Variants in TMEM272 observed in about 807,000 individuals in gnomAD.
The protein encoded by TMEM272 is long intergenic non-protein coding RNA 282.
Under a neutral mutation model 3.7 loss-of-function variants are expected in TMEM272, and 8 were observed. The ratio of observed to expected loss-of-function variants is 2.17; its 90% CI spans 1.27 to 3.91. TMEM272 has a LOEUF of 3.91. TMEM272 is among the 30% of genes most tolerant of loss of function. The pLI, the probability that TMEM272 is intolerant of heterozygous loss-of-function variation, is 0.00. For missense variants in TMEM272, 166 were observed against 91.5 expected, an observed-to-expected ratio of 1.81 and a Z score of -3.32; for synonymous variants, 63 against 39.8, an observed-to-expected ratio of 1.58 and a Z score of -2.20.
At chr13:51,926,295 CT>C in the TMEM272 span, among the ~76,000 whole-genome samples, 1 of 152,150 alleles carries the variant, frequency 6.6e-6, no homozygotes, top group African/African-American at 2.4e-5. Context: ...CCGCAGTGAC[CT>C]CCTTGCTGTG....
the TMEM272 span, among the ~76,000 whole-genome samples, chr13:51,851,614 T>C: frequency 7.3e-6 from 1 of 137,442 alleles, no homozygotes; most frequent in East Asian, 2.3e-4. Context: ...AACCTCCACC[T>C]CCTGGGTTCA....
In TMEM272 at chr13:51,845,158, G is replaced by A. The variant is rs1274778826; in HGVS notation, c.-166C>T. On this transcript the variant is annotated 5_prime_UTR_variant, in exon 1 of 5. Transcript: ENST00000629372. ...CGCTTTCTTTCTCCCTTTCTCTCCT[G>A]CAGCACAACAGCAACTCGTGGCTTT... is the stretch of plus-strand genomic sequence containing the variant. 6.6e-6 allele frequency: 1 copy of A among 152,402 alleles called. No homozygotes were observed. Among genetic ancestry groups the A allele is most frequent in the Non-Finnish European group, 1.5e-5 (1 of 68,290 alleles). 9.4% of individuals were successfully genotyped at this position (152,402 alleles called of 1,614,324 possible). A position where few individuals can be genotyped will look rare whatever the true frequency, so the allele number is the denominator to read the frequency against.
At chr13:51,853,954 T>A in the TMEM272 span, among the ~76,000 whole-genome samples, 1 of 152,250 alleles carries the variant, frequency 6.6e-6, no homozygotes, top group South Asian at 2.1e-4. Flanking sequence ...TGAACATGCA[T>A]TACCTTGAAA....
the TMEM272 span, among the ~76,000 whole-genome samples, chr13:51,888,961 T>A: frequency 6.6e-6 from 1 of 152,142 alleles, no homozygotes; most frequent in Non-Finnish European, 1.5e-5. Context: ...AATTAATTCT[T>A]TTTAATGGCC....
the TMEM272 span, chr13:51,865,473 C>A: frequency 6.2e-7 from 1 of 1,614,204 alleles, no homozygotes; most frequent in Admixed American, 1.7e-5. Context: ...CTGGCGGCAT[C>A]CTCTCCCAGT....
the TMEM272 span, among the ~76,000 whole-genome samples, chr13:51,906,638 A>G: frequency 2.6e-5 from 4 of 152,188 alleles, no homozygotes; most frequent in Non-Finnish European, 4.4e-5. Context: ...TAAGAAAATA[A>G]TATGTCCATG....
At chr13:51,929,368 T>C in the TMEM272 span, among the ~76,000 whole-genome samples, 13 of 152,238 alleles carry the variant, frequency 8.5e-5, no homozygotes, top group African/African-American at 2.7e-4. Context: ...TATTGTAGCA[T>C]GGAGGTATCC....
chr13:51,899,694 C>T, the TMEM272 span, among the ~76,000 whole-genome samples: 3 of 152,134 alleles, frequency 2.0e-5, no homozygotes, highest in African/African-American at 7.2e-5. Flanking sequence ...ATAGCCGAAA[C>T]AATCTTACAA....
At chr13:51,866,525 G>T in the TMEM272 span, among the ~76,000 whole-genome samples, 21 of 152,192 alleles carry the variant, frequency 1.4e-4, no homozygotes, top group Non-Finnish European at 2.6e-4. Context: ...TGGAGGCCTG[G>T]AGAGGGCTGG....
chr13:51,909,725 C>A, the TMEM272 span: 1 of 1,547,266 alleles, frequency 6.5e-7, no homozygotes, highest in Non-Finnish European at 8.9e-7. Flanking sequence ...CACCATCTTT[C>A]AATTCACTGT....
chr13:51,860,655 A>AG, the TMEM272 span, among the ~76,000 whole-genome samples: 2 of 149,006 alleles, frequency 1.3e-5, no homozygotes, highest in Non-Finnish European at 1.5e-5. Context: ...AAAAAAAAAA[A>AG]GCATTAAAGG....
chr13:51,885,258 G>A, the TMEM272 span, among the ~76,000 whole-genome samples: 9,494 of 152,160 alleles, frequency 0.062, 328 homozygotes, highest in Middle Eastern at 0.12. Flanking sequence ...GTATTAATCC[G>A]TTCTCACAAT....
chr13:51,898,057 T>C, the TMEM272 span, among the ~76,000 whole-genome samples: 32 of 151,822 alleles, frequency 2.1e-4, no homozygotes, highest in East Asian at 6.0e-3. Flanking sequence ...ACCCCATCTC[T>C]ACTAAAAATA....
intron 3 of TMEM272, among the ~76,000 whole-genome samples, chr13:51,826,138 C>CAAA (rs11295480): frequency 0.011 from 1,312 of 123,158 alleles, 31 homozygotes; most frequent in African/African-American, 0.036. Flanking sequence ...ATTCATTCAG[C>CAAA]AAAAAAAAAA....
chr13:51,860,690 C>T, the TMEM272 span, among the ~76,000 whole-genome samples: 1 of 144,648 alleles, frequency 6.9e-6, no homozygotes, highest in Non-Finnish European at 1.5e-5. Flanking sequence ...TATGCCTTAC[C>T]AAAAAGAGAC....
chr13:51,903,171 C>T, the TMEM272 span, among the ~76,000 whole-genome samples: 1 of 152,106 alleles, frequency 6.6e-6, no homozygotes, highest in Non-Finnish European at 1.5e-5. Context: ...TGTGTGTATC[C>T]AGGAGGTACA....
At chr13:51,898,218 A>AAAAT in the TMEM272 span, among the ~76,000 whole-genome samples, 129,304 of 147,476 alleles carry the variant, frequency 0.88, 57,681 homozygotes, top group East Asian at 0.97. Flanking sequence ...CTCCATCTCA[A>AAAAT]AAATAAATAA....
upstream of TMEM272, among the ~76,000 whole-genome samples, chr13:51,847,725 G>A (rs1555275788): frequency 6.6e-6 from 1 of 152,190 alleles, no homozygotes; most frequent in Non-Finnish European, 1.5e-5. Flanking sequence ...GTGGGGGTCT[G>A]GGAGCACACG....
At chr13:51,929,646 G>A in the TMEM272 span, among the ~76,000 whole-genome samples, 1 of 152,224 alleles carries the variant, frequency 6.6e-6, no homozygotes, top group Non-Finnish European at 1.5e-5. Flanking sequence ...TTCACCTTTG[G>A]GAGGAAGAGG....
Sources: allele counts gnomAD v4.1 joint callset (sites outside exome capture counted in the v4.1 genomes callset), GRCh38; gene constraint gnomAD v4.1.1; transcripts MANE v1.5; gene names NCBI Gene and HGNC (gene_info 2026-07-23, HGNC 2026-07-21).